Variants in HOOK3 observed in about 807,000 individuals in gnomAD.
HOOK3 encodes the protein protein Hook homolog 3.
A neutral mutation model predicts 116.3 loss-of-function variants in HOOK3; 24 were observed. The observed-to-expected ratio is 0.21, with a 90% CI of 0.15 to 0.29. The LOEUF is 0.29. Ranked by LOEUF, HOOK3 falls within the 10% of genes least tolerant of loss-of-function variation. The pLI, the probability that HOOK3 is intolerant of heterozygous loss-of-function variation, is 1.00. For synonymous variants in HOOK3, 275 were observed against 283.0 expected (o/e 0.97, Z 0.28); for missense variants, 632 against 830.2 (o/e 0.76, Z 2.93).
chr8:43,006,804 TAA>T (rs1809500291), intron 17 of HOOK3, among the ~76,000 whole-genome samples: 1 of 152,134 alleles, frequency 6.6e-6, no homozygotes, highest in African/African-American at 2.4e-5. Flanking sequence ...CAGAAAGACG[TAA>T]AGTGCTTTTT....
At chr8:43,010,236 A>G (rs1204204886) in intron 18 of HOOK3, 69 bp from the exon 19 acceptor site, 1 of 314,728 alleles carries the variant, frequency 3.2e-6, no homozygotes, top group Non-Finnish European at 5.2e-6. Context: ...TCTAAAATAA[A>G]TTTATTTATA....
At chr8:43,008,620 A>G (rs1193876616) in intron 18 of HOOK3, among the ~76,000 whole-genome samples, 1 of 146,886 alleles carries the variant, frequency 6.8e-6, no homozygotes, top group Non-Finnish European at 1.5e-5. Context: ...TACCTGGCCT[A>G]TATTAAATTT....
At chr8:43,014,780 T>G (rs1246128815) in intron 21 of HOOK3, among the ~76,000 whole-genome samples, 1 of 152,218 alleles carries the variant, frequency 6.6e-6, no homozygotes, top group Non-Finnish European at 1.5e-5. Context: ...AACACTGTGA[T>G]TTGATCTTTG....
chr8:42,936,301 G>A (rs969573749), intron 4 of HOOK3, among the ~76,000 whole-genome samples: 2 of 152,154 alleles, frequency 1.3e-5, no homozygotes, highest in African/African-American at 4.8e-5. Context: ...TGAGATGATG[G>A]GGTTTTCTAA....
At position 43,020,358 on chromosome 8, in the gene HOOK3, C is replaced by G. The variant is rs1256668288; in HGVS notation, c.*1860C>G. ...AGTTTCCAAAGTAAAAGATTAAAAACTTTCAGACGGTTCTTACCTCTACCC... is the reference window on the plus strand; with the variant it reads ...AGTTTCCAAAGTAAAAGATTAAAAAGTTTCAGACGGTTCTTACCTCTACCC... On this transcript the variant is annotated 3_prime_UTR_variant, in exon 22 of 22. Coordinates refer to ENST00000307602, the MANE Select transcript of HOOK3 (RefSeq NM_032410.4). 1 of 194,072 alleles carries G rather than the reference C, an allele frequency of 5.2e-6. No homozygotes were observed. Among genetic ancestry groups the G allele is most frequent in the Non-Finnish European group, 1.1e-5 (1 of 93,228 alleles). 12.0% of individuals were successfully genotyped at this position (194,072 alleles called of 1,614,324 possible).
At chr8:43,011,465 G>A (rs563969914) in intron 19 of HOOK3, among the ~76,000 whole-genome samples, 2 of 152,216 alleles carry the variant, frequency 1.3e-5, no homozygotes, top group South Asian at 2.1e-4. Flanking sequence ...GTGTGTGTGT[G>A]TGTGGAGAGA....
At chr8:42,942,090 C>G (rs1055575116) in intron 4 of HOOK3, among the ~76,000 whole-genome samples, 1 of 152,082 alleles carries the variant, frequency 6.6e-6, no homozygotes, top group Non-Finnish European at 1.5e-5. Flanking sequence ...GAAATCCCGT[C>G]TCTACTAAAA....
At chr8:42,898,021 G>A (rs1454512112) in intron 1 of HOOK3, among the ~76,000 whole-genome samples, 1 of 152,220 alleles carries the variant, frequency 6.6e-6, no homozygotes, top group African/African-American at 2.4e-5. Flanking sequence ...TTAATTAAAT[G>A]TTTACGGATG....
intron 16 of HOOK3, 78 bp downstream of exon 16, chr8:42,997,715 T>G (rs765053948): frequency 5.9e-6 from 5 of 840,370 alleles, no homozygotes. Flanking sequence ...TATTTGATGT[T>G]TTTTGTCAAA....
intron 4 of HOOK3, among the ~76,000 whole-genome samples, chr8:42,931,880 G>A (rs1340430267): frequency 6.6e-6 from 1 of 151,640 alleles, no homozygotes; most frequent in Non-Finnish European, 1.5e-5. Flanking sequence ...TCAGCTTCCC[G>A]AGAAGCTGGG....
In HOOK3 at chr8:42,990,433, C is replaced by T. The variant is rs117972353; in HGVS notation, c.1532+3638C>T. ...ACAGCTCACTGCAGCCTTGACAGCC[C>T]GGGCTCAAGCGATCTTCCCACCTCA... On this transcript the variant is annotated intron_variant, in intron 15 of 21. Transcript: ENST00000307602. Among the ~76,000 whole-genome samples the T allele has an allele frequency of 1.1e-3, 162 of 141,862 alleles. 1 individual carries two copies. In the East Asian group the frequency reaches 0.028, roughly 24 times the overall value. The allele number at this position is 141,862 out of a possible 152,430, so 93.1% of individuals were successfully genotyped here.
intron 14 of HOOK3, among the ~76,000 whole-genome samples, chr8:42,984,379 A>G (rs1809009968): frequency 6.6e-6 from 1 of 152,092 alleles, no homozygotes; most frequent in Non-Finnish European, 1.5e-5. Flanking sequence ...AAAAAAAAAA[A>G]AAATAAGAAG....
Position 43,007,876 on chromosome 8 carries a change from T to C in HOOK3, c.1685T>C (p.Leu562Pro). 6.2e-7 allele frequency: 1 copy of C among 1,600,716 alleles called. No homozygotes were observed. The highest frequency in any genetic ancestry group is 8.5e-7 in the Non-Finnish European group (1 of 1,171,284). ...LEKLHEANNE[L>P]QKKRAIIEDL... ...AAGCTGCATGAGGCCAATAATGAACTACAGAAGAAGAGAGCCATTATTGAA... is the reference window on the plus strand; with the variant it reads ...AAGCTGCATGAGGCCAATAATGAACCACAGAAGAAGAGAGCCATTATTGAA... The change falls in exon 18 of 22, where the codon CTA becomes CCA. Residue 562 changes from leucine to proline, a missense_variant. Coordinates refer to ENST00000307602, the MANE Select transcript of HOOK3 (RefSeq NM_032410.4).
chr8:42,917,712 G>A (rs761457415), intron 2 of HOOK3, among the ~76,000 whole-genome samples: 1 of 152,164 alleles, frequency 6.6e-6, no homozygotes, highest in Non-Finnish European at 1.5e-5. Flanking sequence ...TTCAAAGTTC[G>A]AGAAGGGGAA....
At chr8:42,899,715 T>A (rs1586581220) in intron 1 of HOOK3, among the ~76,000 whole-genome samples, 1 of 152,000 alleles carries the variant, frequency 6.6e-6, no homozygotes, top group Non-Finnish European at 1.5e-5. Flanking sequence ...GTGTGGGGGG[T>A]TTTGCTCTCA....
At chr8:42,922,032 A>C (rs1454806634) in intron 2 of HOOK3, among the ~76,000 whole-genome samples, 1 of 152,220 alleles carries the variant, frequency 6.6e-6, no homozygotes, top group African/African-American at 2.4e-5. Flanking sequence ...GCTTAAAACA[A>C]AAATAGGTAA....
chr8:42,908,036 C>T (rs1358491932), intron 2 of HOOK3, among the ~76,000 whole-genome samples: 1 of 151,928 alleles, frequency 6.6e-6, no homozygotes. Context: ...AACAAACTAT[C>T]TGAAAAAGAA....
Position 43,025,724 on chromosome 8 carries a change from C to CT in HOOK3, c.*7227dup. 4.6e-6 allele frequency: 1 copy of CT among 215,492 alleles called. No homozygotes were observed. Among genetic ancestry groups the CT allele is most frequent in the Non-Finnish European group, 9.3e-6 (1 of 107,212 alleles). The allele number at this position is 215,492 out of a possible 1,614,324, so 13.3% of individuals were successfully genotyped here. A position where few individuals can be genotyped will look rare whatever the true frequency, so the allele number is the denominator to read the frequency against. The stretch of plus-strand genomic sequence containing the variant: ...ATGATTTGATGAGATGAGAAGAAAT[C>CT]TGCGGTGGCTGAAAATCGTGACCAA... On this transcript the variant is annotated 3_prime_UTR_variant, in exon 22 of 22. Transcript: ENST00000307602.
chr8:42,938,923 C>G (rs1055245930), intron 4 of HOOK3, among the ~76,000 whole-genome samples: 6 of 152,100 alleles, frequency 3.9e-5, no homozygotes, highest in Non-Finnish European at 5.9e-5. Flanking sequence ...TGACTCTTAA[C>G]GAGCATGCTG....
Sources: gnomAD v4.1 joint callset for allele counts (sites outside exome capture counted in the v4.1 genomes callset) on GRCh38, gnomAD v4.1.1 for gene constraint, MANE v1.5 for transcripts, NCBI Gene and HGNC (gene_info 2026-07-23, HGNC 2026-07-21) for gene names.